Variants in NIPSNAP3A observed in about 807,000 individuals in gnomAD.
The protein encoded by NIPSNAP3A is nipsnap homolog 3A.
Under a neutral mutation model 32.3 loss-of-function variants are expected in NIPSNAP3A, and 27 were observed. The observed-to-expected ratio is 0.84, with a 90% CI of 0.62 to 1.15. NIPSNAP3A has a LOEUF of 1.15. Among genes scored for constraint, NIPSNAP3A ranks in the 50% most tolerant of loss-of-function variants. The probability of loss-of-function intolerance (pLI) is 0.00; values close to 1 mark genes in which losing one functional copy is unlikely to be tolerated. For missense variants in NIPSNAP3A, 278 were observed against 297.2 expected (o/e 0.94, Z 0.48); for synonymous variants, 108 against 107.3 (o/e 1.01, Z -0.04).
rs749902785 is a variant in NIPSNAP3A at position 104,747,782 on chromosome 9, G to A, written c.-11G>A. The A allele has an allele frequency of 1.2e-6, 2 of 1,606,754 alleles. No individual in the cohort carries two copies. Among genetic ancestry groups the A allele is most frequent in the South Asian group, 1.1e-5 (1 of 90,144 alleles). ...ACGGCTGGCTGCTTTTCTCAGCGCC[G>A]AAGCCGCGCCATGCTCGTCCTCAGA... On this transcript the variant is annotated 5_prime_UTR_variant, in exon 1 of 6. Coordinates refer to ENST00000374767, the MANE Select transcript of NIPSNAP3A (RefSeq NM_015469.3).
At chr9:104,757,111 A>G (rs894205290) in intron 4 of NIPSNAP3A, among the ~76,000 whole-genome samples, 42 of 152,274 alleles carry the variant, frequency 2.8e-4, no homozygotes, top group African/African-American at 9.1e-4. Context: ...TTAATTTTCT[A>G]TACTGCACAT....
chr9:104,747,726 G>T lies in NIPSNAP3A; in HGVS notation c.-67G>T. ...ATCCAGGAGCCGCTCCTTTCCACTC[G>T]GGAAACCTTCAGAGGAGTCTCAGAA... On this transcript the variant is annotated 5_prime_UTR_variant, in exon 1 of 6. Transcript: ENST00000374767. 1.3e-6 allele frequency: 2 copies of T among 1,499,188 alleles called. No individual in the cohort carries two copies. Among genetic ancestry groups the T allele is most frequent in the East Asian group, 2.4e-5 (1 of 41,892 alleles). 92.9% of individuals were successfully genotyped at this position (1,499,188 alleles called of 1,614,324 possible). A position where few individuals can be genotyped will look rare whatever the true frequency, so the allele number is the denominator to read the frequency against.
chr9:104,752,299 G>C (rs1346976555), intron 2 of NIPSNAP3A, among the ~76,000 whole-genome samples: 3 of 152,098 alleles, frequency 2.0e-5, no homozygotes, highest in African/African-American at 7.2e-5. Context: ...AAATCTGTTT[G>C]TTCAAAGGAG....
intron 1 of NIPSNAP3A, among the ~76,000 whole-genome samples, chr9:104,749,586 A>G (rs1827820644): frequency 6.6e-6 from 1 of 152,240 alleles, no homozygotes; most frequent in Non-Finnish European, 1.5e-5. Flanking sequence ...GGCACATGCT[A>G]TTCAAACTTA....
Position 104,753,035 on chromosome 9 carries a change from G to A in NIPSNAP3A, c.401G>A (p.Trp134Ter), listed in dbSNP as rs1345041830. The stretch of plus-strand genomic sequence containing the variant: ...AGTGAGATTACTTATCTGGTACCAT[G>A]GTGCAAATTAGAAAAACCTCCAAAA... ...QESEITYLVPWCKLEKPPKEG... is the reference protein window; with the variant it reads ...QESEITYLVP The change falls in exon 3 of 6, where the codon TGG becomes TAG. Residue 134 changes from tryptophan to a stop codon, truncating the protein, a stop_gained. Transcript: ENST00000374767. LOFTEE classifies it high-confidence loss of function. The A allele has an allele frequency of 6.2e-7, 1 of 1,613,420 alleles. No homozygotes were observed. The highest frequency in any genetic ancestry group is 2.2e-5 in the East Asian group (1 of 44,844).
At chr9:104,758,274 A>G (rs895838466) in intron 4 of NIPSNAP3A, among the ~76,000 whole-genome samples, 5 of 152,192 alleles carry the variant, frequency 3.3e-5, no homozygotes, top group African/African-American at 1.2e-4. Context: ...ATAATATACA[A>G]TAAGACCCTG....
intron 1 of NIPSNAP3A, 55 bp downstream of exon 1, chr9:104,747,907 CGGG>C: frequency 1.4e-6 from 1 of 693,460 alleles, no homozygotes. Flanking sequence ...AGGGGCGGGG[CGGG>C]GAGTGTTCCG....
chr9:104,757,567 CAT>C (rs1588162144), intron 4 of NIPSNAP3A, among the ~76,000 whole-genome samples: 1 of 152,138 alleles, frequency 6.6e-6, no homozygotes, highest in Non-Finnish European at 1.5e-5. Context: ...ATTATAAACA[CAT>C]AGTTGTGCTC....
intron 2 of NIPSNAP3A, among the ~76,000 whole-genome samples, chr9:104,751,783 C>A (rs1288897811): frequency 6.6e-6 from 1 of 152,064 alleles, no homozygotes; most frequent in African/African-American, 2.4e-5. Context: ...TCATACTACT[C>A]TAGGGAGGTA....
Position 104,759,508 on chromosome 9 carries a change from A to G in NIPSNAP3A, c.*170A>G. ...TCTGTGCTTTGTAAGTACCACTTCA[A>G]AAAATAGTTCTGTTTACTTTCTGCA... On this transcript the variant is annotated 3_prime_UTR_variant, in exon 6 of 6. Transcript: ENST00000374767. 1 of 634,826 alleles carries G rather than the reference A, an allele frequency of 1.6e-6. No homozygotes were observed. Among genetic ancestry groups the G allele is most frequent in the Non-Finnish European group, 2.7e-6 (1 of 366,376 alleles). The allele number at this position is 634,826 out of a possible 1,614,324, so 39.3% of individuals were successfully genotyped here. A position where few individuals can be genotyped will look rare whatever the true frequency, so the allele number is the denominator to read the frequency against.
At chr9:104,756,847 G>T (rs369356908) in intron 4 of NIPSNAP3A, among the ~76,000 whole-genome samples, 1 of 135,864 alleles carries the variant, frequency 7.4e-6, no homozygotes, top group East Asian at 2.1e-4. Context: ...ATGGAGCCTC[G>T]CTCTGTGGAG....
At chr9:104,749,231 T>A (rs572558213) in intron 1 of NIPSNAP3A, among the ~76,000 whole-genome samples, 72 of 152,360 alleles carry the variant, frequency 4.7e-4, no homozygotes, top group Middle Eastern at 3.4e-3. Context: ...ACTAGGCACT[T>A]GCTTCTTGAC....
In NIPSNAP3A at chr9:104,759,348, G is replaced by A. The variant is rs748831188; in HGVS notation, c.*10G>A. 1.2e-6 allele frequency: 2 copies of A among 1,610,070 alleles called. No individual in the cohort carries two copies. Among genetic ancestry groups the A allele is most frequent in the Non-Finnish European group, 1.7e-6 (2 of 1,177,456 alleles). ...TTCACCACTGAAATAGTTTTCTACT[G>A]AAATACAAAACATTTCATTAACTGC... is the stretch of plus-strand genomic sequence containing the variant. On this transcript the variant is annotated 3_prime_UTR_variant, in exon 6 of 6. Coordinates refer to ENST00000374767, the MANE Select transcript of NIPSNAP3A (RefSeq NM_015469.3).
At chr9:104,756,346 A>C (rs961781086) in intron 4 of NIPSNAP3A, among the ~76,000 whole-genome samples, 1 of 152,166 alleles carries the variant, frequency 6.6e-6, no homozygotes, top group Non-Finnish European at 1.5e-5. Flanking sequence ...ATGAAGAAAA[A>C]AAAATCAACT....
In NIPSNAP3A at chr9:104,752,938, G is replaced by C. The variant is rs1175977699; in HGVS notation, c.304G>C (p.Ala102Pro). ...TGCTCATCGAACTGAAGTTCGGAAA[G>C]CCTTGGCCAAAGATAAGGAATGGCA... Reference protein sequence around the residue: ...NFAHRTEVRKALAKDKEWQEQ... With the variant: ...NFAHRTEVRKPLAKDKEWQEQ... The change falls in exon 3 of 6, where the codon GCC becomes CCC. Residue 102 changes from alanine to proline, a missense_variant. Coordinates refer to ENST00000374767, the MANE Select transcript of NIPSNAP3A (RefSeq NM_015469.3). 5 of 1,613,272 alleles carry C rather than the reference G, an allele frequency of 3.1e-6. No homozygotes were observed. The African/African-American group carries it at 5.3e-5, about 17-fold the overall frequency.
intron 1 of NIPSNAP3A, 43 bp from the exon 2 acceptor site, chr9:104,750,913 T>G: frequency 6.9e-7 from 1 of 1,455,980 alleles, no homozygotes; most frequent in South Asian, 1.1e-5. Flanking sequence ...ATATAATGAA[T>G]CCTGTCTTCT....
chr9:104,751,169 A>G lies in NIPSNAP3A; in HGVS notation c.271+3A>G. ...AGTGTTTCATATTTGGAAGTATGGTAAAGAGTCATCCAATTTTGGCTTTCA... is the reference window on the plus strand; with the variant it reads ...AGTGTTTCATATTTGGAAGTATGGTGAAGAGTCATCCAATTTTGGCTTTCA... On this transcript the variant is annotated splice_donor_region_variant and intron_variant, in intron 2 of 5. Transcript: ENST00000374767. 6.2e-7 allele frequency: 1 copy of G among 1,611,978 alleles called. No homozygotes were observed. Among genetic ancestry groups the G allele is most frequent in the Admixed American group, 1.7e-5 (1 of 60,016 alleles).
chr9:104,754,045 C>T, intron 3 of NIPSNAP3A: 1 of 152,890 alleles, frequency 6.5e-6, no homozygotes, highest in Non-Finnish European at 1.5e-5. Context: ...TTTTTTCCTC[C>T]AAAATTCAAA....
Position 104,754,541 on chromosome 9 carries a change from C to T in NIPSNAP3A, c.431-10C>T, listed in dbSNP as rs1226366889. ...TGTTTTCTGAAAAATTCTTTTTCTC[C>T]CTATTCCAGGAGTCTATGAACTGGC... On this transcript the variant is annotated splice_polypyrimidine_tract_variant and intron_variant, in intron 3 of 5. Coordinates refer to ENST00000374767, the MANE Select transcript of NIPSNAP3A (RefSeq NM_015469.3). The T allele has an allele frequency of 6.2e-7, 1 of 1,612,648 alleles. No homozygotes were observed. Among genetic ancestry groups the T allele is most frequent in the Non-Finnish European group, 8.5e-7 (1 of 1,179,514 alleles).
Sources: gnomAD v4.1 joint callset for allele counts (sites outside exome capture counted in the v4.1 genomes callset) on GRCh38, gnomAD v4.1.1 for gene constraint, MANE v1.5 for transcripts, NCBI Gene and HGNC (gene_info 2026-07-23, HGNC 2026-07-21) for gene names.